The following CDH18 variants were observed in gnomAD, a reference collection of about 807,000 sequenced individuals.
CDH18 encodes the protein cadherin-18.
In CDH18, 31 loss-of-function variants were observed where a neutral mutation model predicts 67.9. That is an observed-to-expected ratio of 0.46 (90% CI 0.34 to 0.62). CDH18 has a LOEUF of 0.62. CDH18 is among the 20% of genes least tolerant of loss of function. The probability of loss-of-function intolerance (pLI) is 0.01; values close to 1 mark genes in which losing one functional copy is unlikely to be tolerated. For synonymous variants in CDH18, 362 were observed against 347.2 expected (o/e 1.04, Z -0.48); for missense variants, 890 against 975.5 (o/e 0.91, Z 1.17).
rs58434622 is a variant in CDH18 at position 19,983,033 on chromosome 5, G to GAA, written c.-375-1857_-375-1856dup. ...GGGCGACAGAGCAAGACTCCATCTC[G>GAA]AAAAAAAAAAAAAAAAAGCCAAAAT... On this transcript the variant is annotated intron_variant, in intron 1 of 12. Coordinates refer to ENST00000382275, the MANE Select transcript of CDH18 (RefSeq NM_004934.5). 3.2e-3 allele frequency among the ~76,000 whole-genome samples: 323 copies of GAA among 100,306 alleles called. 2 individuals carry two copies. Among genetic ancestry groups the GAA allele is most frequent in the African/African-American group, 0.015 (311 of 21,356 alleles). The allele number at this position is 100,306 out of a possible 152,430, so 65.8% of individuals were successfully genotyped here. A position where few individuals can be genotyped will look rare whatever the true frequency, so the allele number is the denominator to read the frequency against.
At chr5:19,978,359 T>C (rs944698393) in intron 2 of CDH18, among the ~76,000 whole-genome samples, 1 of 152,166 alleles carries the variant, frequency 6.6e-6, no homozygotes, top group African/African-American at 2.4e-5. Context: ...TTTTGAGCAA[T>C]ATAACAATTC....
At chr5:19,830,823 G>A (rs372405304) in intron 3 of CDH18, among the ~76,000 whole-genome samples, 12 of 151,932 alleles carry the variant, frequency 7.9e-5, no homozygotes, top group African/African-American at 7.3e-5. Context: ...ATGACCATGC[G>A]GCACATACAA....
intron 8 of CDH18, among the ~76,000 whole-genome samples, chr5:19,548,891 A>G (rs1736827262): frequency 1.3e-5 from 2 of 151,732 alleles, no homozygotes; most frequent in African/African-American, 4.8e-5. Flanking sequence ...GCTGGATTAC[A>G]GGCGTTTGCC....
intron 2 of CDH18, among the ~76,000 whole-genome samples, chr5:20,177,138 T>C (rs1275512696): frequency 1.3e-5 from 2 of 152,138 alleles, no homozygotes; most frequent in Non-Finnish European, 2.9e-5. Flanking sequence ...GTGAGGCACA[T>C]CAAGTAATTT....
chr5:19,968,498 T>C (rs900036613), intron 2 of CDH18, among the ~76,000 whole-genome samples: 1 of 151,800 alleles, frequency 6.6e-6, no homozygotes, highest in African/African-American at 2.4e-5. Context: ...AACAGAGATA[T>C]AGATCAATGG....
intron 2 of CDH18, among the ~76,000 whole-genome samples, chr5:20,143,220 G>T (rs1362566379): frequency 1.3e-5 from 2 of 151,974 alleles, no homozygotes; most frequent in Non-Finnish European, 2.9e-5. Context: ...TTCCGATGAA[G>T]TCTCCAATGG....
At chr5:20,030,036 G>A (rs1215776870) in intron 2 of CDH18, among the ~76,000 whole-genome samples, 14 of 152,242 alleles carry the variant, frequency 9.2e-5, no homozygotes, top group Middle Eastern at 3.4e-3. Context: ...CTCAGCTCCC[G>A]GAGGCTACCT....
At chr5:19,942,943 T>C (rs1181124441) in intron 2 of CDH18, among the ~76,000 whole-genome samples, 1 of 152,108 alleles carries the variant, frequency 6.6e-6, no homozygotes, top group East Asian at 1.9e-4. Flanking sequence ...GGGTGACCCA[T>C]GTCGGGGGCT....
intron 1 of CDH18, among the ~76,000 whole-genome samples, chr5:20,470,570 G>A (rs1265815290): frequency 2.0e-5 from 3 of 151,888 alleles, no homozygotes; most frequent in South Asian, 2.1e-4. Flanking sequence ...ATAAAGCCCC[G>A]TTACCTGCCC....
intron 12 of CDH18, among the ~76,000 whole-genome samples, chr5:19,480,341 A>G (rs966962825): frequency 6.7e-6 from 1 of 148,654 alleles, no homozygotes; most frequent in Non-Finnish European, 1.5e-5. Flanking sequence ...CAATAAATAT[A>G]TAAAGTTTAT....
chr5:19,762,498 T>G (rs912457663), intron 3 of CDH18, among the ~76,000 whole-genome samples: 1 of 152,150 alleles, frequency 6.6e-6, no homozygotes, highest in Non-Finnish European at 1.5e-5. Flanking sequence ...ATAATGCTCA[T>G]CATCACTGGC....
At chr5:19,486,325 A>C (rs1740397897) in intron 11 of CDH18, among the ~76,000 whole-genome samples, 1 of 151,102 alleles carries the variant, frequency 6.6e-6, no homozygotes, top group Admixed American at 6.6e-5. Context: ...AAATATATAT[A>C]TACACACATA....
At chr5:20,260,961 T>A (rs999298673) in intron 1 of CDH18, among the ~76,000 whole-genome samples, 2 of 152,162 alleles carry the variant, frequency 1.3e-5, no homozygotes, top group African/African-American at 2.4e-5. Context: ...GGTTTAGCCT[T>A]GTGATAGCCA....
chr5:19,485,155 T>C (rs1030050099), intron 11 of CDH18, among the ~76,000 whole-genome samples: 1 of 151,012 alleles, frequency 6.6e-6, no homozygotes, highest in Non-Finnish European at 1.5e-5. Context: ...ACATATATGA[T>C]TGAGTTACTG....
intron 9 of CDH18, among the ~76,000 whole-genome samples, chr5:19,522,089 C>T (rs73760033): frequency 4.0e-5 from 6 of 151,536 alleles, no homozygotes; most frequent in African/African-American, 7.3e-5. Flanking sequence ...CAAAAAAAGA[C>T]GGAAGAGGTA....
intron 4 of CDH18, among the ~76,000 whole-genome samples, chr5:19,739,224 G>T (rs1158558): frequency 0.68 from 103,384 of 152,114 alleles, 40,482 homozygotes; most frequent in Non-Finnish European, 0.86. Context: ...TGCTTCAAGT[G>T]AGGGGATACA....
intron 2 of CDH18, among the ~76,000 whole-genome samples, chr5:20,212,933 T>A (rs1304728559): frequency 6.6e-6 from 1 of 152,092 alleles, no homozygotes; most frequent in Admixed American, 6.6e-5. Flanking sequence ...TGCTTTCTTA[T>A]CATTTGTGTG....
At chr5:20,496,444 A>G (rs1290540049) in intron 1 of CDH18, among the ~76,000 whole-genome samples, 2 of 152,192 alleles carry the variant, frequency 1.3e-5, no homozygotes, top group Non-Finnish European at 2.9e-5. Context: ...ATAAAGGAAA[A>G]TTAATAACAC....
chr5:19,560,841 G>A (rs1176626979), intron 8 of CDH18, among the ~76,000 whole-genome samples: 1 of 151,872 alleles, frequency 6.6e-6, no homozygotes, highest in Non-Finnish European at 1.5e-5. Context: ...TCAAAAAGTG[G>A]GCTAAGGACA....
Sources: gnomAD v4.1 joint callset for allele counts (sites outside exome capture counted in the v4.1 genomes callset) on GRCh38, gnomAD v4.1.1 for gene constraint, MANE v1.5 for transcripts, NCBI Gene and HGNC (gene_info 2026-07-23, HGNC 2026-07-21) for gene names.